RAF1: variants seen among roughly 807,000 people sequenced by gnomAD.
RAF1 encodes the protein RAF proto-oncogene serine/threonine-protein kinase.
A neutral mutation model predicts 81.1 loss-of-function variants in RAF1; 27 were observed. The observed-to-expected ratio is 0.33, with a 90% CI of 0.25 to 0.46. The LOEUF is 0.46. RAF1 is among the 20% of genes least tolerant of loss of function. The pLI, the probability that RAF1 is intolerant of heterozygous loss-of-function variation, is 1.00. For synonymous variants in RAF1, 298 were observed against 294.0 expected, an observed-to-expected ratio of 1.01 and a Z score of -0.14; for missense variants, 598 against 826.0, an observed-to-expected ratio of 0.72 and a Z score of 3.38.
At chr3:12,595,350 A>T (rs2058653148) in intron 11 of RAF1, among the ~76,000 whole-genome samples, 1 of 152,088 alleles carries the variant, frequency 6.6e-6, no homozygotes, top group Non-Finnish European at 1.5e-5. Flanking sequence ...GGGGTTATAG[A>T]TGTGGGCCAC....
intron 1 of RAF1, among the ~76,000 whole-genome samples, chr3:12,655,539 G>A (rs1481657383): frequency 6.6e-6 from 1 of 152,182 alleles, no homozygotes; most frequent in African/African-American, 2.4e-5. Flanking sequence ...AGTAAACACA[G>A]AATTACCATA....
At chr3:12,660,767 G>A (rs182018717) in intron 1 of RAF1, among the ~76,000 whole-genome samples, 2 of 152,192 alleles carry the variant, frequency 1.3e-5, no homozygotes, top group South Asian at 2.1e-4. Context: ...ACAAGGTCAG[G>A]AGTTCAAGAC....
intron 1 of RAF1, among the ~76,000 whole-genome samples, chr3:12,637,587 G>A (rs2060067612): frequency 6.6e-6 from 1 of 152,008 alleles, no homozygotes; most frequent in Non-Finnish European, 1.5e-5. Context: ...AAACACAAAT[G>A]GAGGCCGGGC....
chr3:12,644,967 C>T (rs2060299155), intron 1 of RAF1, among the ~76,000 whole-genome samples: 1 of 151,818 alleles, frequency 6.6e-6, no homozygotes, highest in Non-Finnish European at 1.5e-5. Context: ...GGCATGGTGG[C>T]ACGTGCCTGT....
chr3:12,599,549 T>A (rs2058791035), intron 11 of RAF1, 142 bp downstream of exon 10: 2 of 677,862 alleles, frequency 3.0e-6, no homozygotes, highest in Non-Finnish European at 5.4e-6. Context: ...AAGTTCAATC[T>A]TCAGGTATAA....
chr3:12,594,574 AC>A (rs1239026921), intron 11 of RAF1, among the ~76,000 whole-genome samples: 2 of 152,140 alleles, frequency 1.3e-5, no homozygotes, highest in East Asian at 3.9e-4. Context: ...GCAGTGACTT[AC>A]TCTGACCTTG....
At chr3:12,653,030 C>T (rs879314506) in intron 1 of RAF1, among the ~76,000 whole-genome samples, 1 of 151,882 alleles carries the variant, frequency 6.6e-6, no homozygotes, top group Non-Finnish European at 1.5e-5. Flanking sequence ...GCCTATAAGC[C>T]CAGCACTTTG....
chr3:12,594,399 C>T (rs1167038445), intron 11 of RAF1, among the ~76,000 whole-genome samples: 1 of 152,156 alleles, frequency 6.6e-6, no homozygotes, highest in Non-Finnish European at 1.5e-5. Flanking sequence ...TCAGGGGGAA[C>T]TGCTTCTAAG....
Position 12,591,698 on chromosome 3 carries a change from T to A in RAF1, c.1253+10A>T. 6.2e-7 allele frequency: 1 copy of A among 1,613,176 alleles called. No individual in the cohort carries two copies. Among genetic ancestry groups the A allele is most frequent in the Non-Finnish European group, 8.5e-7 (1 of 1,179,150 alleles). Reference sequence around the variant, plus strand: ...CTCCAGAGGGACTGGACCGCCAGCTTTCTACTCACCGCAGAACAGCCACCT... The same window carrying A: ...CTCCAGAGGGACTGGACCGCCAGCTATCTACTCACCGCAGAACAGCCACCT... On this transcript the variant is annotated intron_variant, in intron 12 of 17. Transcript: ENST00000442415.
At position 12,616,447 on chromosome 3, in the gene RAF1, T is replaced by TA. The variant is rs555571796; in HGVS notation, c.207+2067_207+2068insT. On this transcript the variant is annotated intron_variant, in intron 2 of 17. Coordinates refer to ENST00000442415, the MANE Select transcript of RAF1 (RefSeq NM_001354689.3). ...ACAGTAGGCAAAATTACTTTGCAAA[T>TA]GGAAGACCATTGTTCAGATATAGGG... 2.2e-3 allele frequency among the ~76,000 whole-genome samples: 332 copies of TA among 152,302 alleles called. 1 individual carries two copies. Among genetic ancestry groups the TA allele is most frequent in the African/African-American group, 7.7e-3 (318 of 41,560 alleles).
chr3:12,585,315 C>T (rs2125323842), intron 15 of RAF1, 62 bp from the exon 15 acceptor site: 2 of 1,608,172 alleles, frequency 1.2e-6, no homozygotes, highest in Admixed American at 1.7e-5. Context: ...TCACAGACAT[C>T]TAGGGGCCAG....
At chr3:12,625,453 G>C (rs1383723611) in intron 1 of RAF1, among the ~76,000 whole-genome samples, 2 of 152,148 alleles carry the variant, frequency 1.3e-5, no homozygotes, top group Non-Finnish European at 2.9e-5. Flanking sequence ...ACAGTGAAGA[G>C]TATAAACCAC....
intron 6 of RAF1, among the ~76,000 whole-genome samples, chr3:12,604,858 AC>A (rs35845377): frequency 0.16 from 24,693 of 152,112 alleles, 2,359 homozygotes; most frequent in Non-Finnish European, 0.23. Flanking sequence ...GTCACCACCA[AC>A]CCCCACCAAC....
rs774558798 is a variant in RAF1 at position 12,585,123 on chromosome 3, T to C, written c.1727A>G (p.Gln576Arg). Residue 576 changes from glutamine (Q) to arginine (R), a missense_variant and splice_region_variant, in exon 16 of 18, where the codon CAG (glutamine) becomes CGG (arginine). Around this residue, in one of 5 missense-constraint regions of RAF1, gnomAD observed 147 missense variants for 196.1 expected, o/e 0.75. Coordinates refer to ENST00000442415, the MANE Select transcript of RAF1 (RefSeq NM_001354689.3). Reference sequence around the variant, plus strand: ...CCTTTCGCACCAGCACAGACTTACCTGATCTCGGTTGTTGATGTGAGAATA... The same window carrying C: ...CCTTTCGCACCAGCACAGACTTACCCGATCTCGGTTGTTGATGTGAGAATA... The C allele has an allele frequency of 6.2e-7, 1 of 1,614,128 alleles. No homozygotes were observed. Among genetic ancestry groups the C allele is most frequent in the African/African-American group, 1.3e-5 (1 of 75,012 alleles).
Position 12,584,199 on chromosome 3 carries a change from AGCTGGGGCTGGGCCCCT to A in RAF1, c.*298_*314del. On this transcript the variant is annotated 3_prime_UTR_variant, in exon 18 of 18. Transcript: ENST00000442415. ...TCCTCTAAATACTCATGTAGCCAACAGCTGGGGCTGGGCCCCTGCTTTTTGTACTACCATCAACATCC... is the reference window on the plus strand; with the variant it reads ...TCCTCTAAATACTCATGTAGCCAACAGCTTTTTGTACTACCATCAACATCC... The A allele has an allele frequency of 4.5e-6, 2 of 447,924 alleles. No homozygotes were observed. The highest frequency in any genetic ancestry group is 8.3e-6 in the Non-Finnish European group (2 of 240,358). The allele number at this position is 447,924 out of a possible 1,614,324, so 27.7% of individuals were successfully genotyped here.
intron 1 of RAF1, among the ~76,000 whole-genome samples, chr3:12,661,180 A>G (rs530240187): frequency 2.6e-5 from 4 of 152,332 alleles, no homozygotes; most frequent in African/African-American, 4.8e-5. Flanking sequence ...TGTTAATTCC[A>G]TAATAGTCAC....
Position 12,584,664 on chromosome 3 carries a change from C to T in RAF1, c.1864-7G>A, listed in dbSNP as rs770426112. ...GCTCAATGGAAGACAGGATCTGAAA[C>T]AAAGCCCAAGAATGCTCTCATTAGC... On this transcript the variant is annotated splice_polypyrimidine_tract_variant and splice_region_variant and intron_variant, in intron 17 of 17. Transcript: ENST00000442415. 3 of 1,614,130 alleles carry T rather than the reference C, an allele frequency of 1.9e-6. No individual in the cohort carries two copies. The highest frequency in any genetic ancestry group is 2.2e-5 in the East Asian group (1 of 44,876).
chr3:12,622,124 G>A (rs960611861), intron 1 of RAF1, among the ~76,000 whole-genome samples: 2 of 152,062 alleles, frequency 1.3e-5, no homozygotes, highest in Admixed American at 1.3e-4. Context: ...CTATCCCCAG[G>A]TTACTATGAG....
At chr3:12,594,344 G>A (rs971926661) in intron 11 of RAF1, among the ~76,000 whole-genome samples, 15 of 152,312 alleles carry the variant, frequency 9.8e-5, no homozygotes, top group African/African-American at 3.4e-4. Flanking sequence ...GACAGGACAG[G>A]GCTAGGGGTT....
Sources: gnomAD v4.1 joint callset for allele counts (sites outside exome capture counted in the v4.1 genomes callset) on GRCh38, gnomAD v4.1.1 for gene constraint, gnomAD v4.1.1 regional missense constraint, MANE v1.5 for transcripts, NCBI Gene and HGNC (gene_info 2026-07-23, HGNC 2026-07-21) for gene names.